The following GPLD1 variants were observed in gnomAD, a reference collection of about 807,000 sequenced individuals.
The protein encoded by GPLD1 is phosphatidylinositol-glycan-specific phospholipase D.
A neutral mutation model predicts 112.6 loss-of-function variants in GPLD1; 84 were observed. The ratio of observed to expected loss-of-function variants is 0.75; its 90% CI spans 0.63 to 0.89. The LOEUF (loss-of-function observed/expected upper bound fraction) is 0.89, where lower values mean the gene tolerates loss of function less well. Among genes scored for constraint, GPLD1 ranks in the 40% least tolerant of loss-of-function variants. The pLI, the probability that GPLD1 is intolerant of heterozygous loss-of-function variation, is 0.00. For missense variants in GPLD1, 1,044 were observed against 1,051.5 expected, an observed-to-expected ratio of 0.99 and a Z score of 0.10; for synonymous variants, 386 against 403.8, an observed-to-expected ratio of 0.96 and a Z score of 0.53.
At chr6:24,452,861 T>C (rs913658019) in intron 14 of GPLD1, among the ~76,000 whole-genome samples, 1 of 151,918 alleles carries the variant, frequency 6.6e-6, no homozygotes, top group African/African-American at 2.4e-5. Context: ...GTAAGTGCCT[T>C]GCCTGGAACA....
chr6:24,475,181 C>T lies in GPLD1; in HGVS notation c.381G>A (p.Ala127=), dbSNP rs760701065. The T allele has an allele frequency of 3.9e-5, 63 of 1,613,080 alleles. No homozygotes were observed. The Middle Eastern group carries it at 8.2e-4, about 21-fold the overall frequency. ...AFLFGITSHM[A]ADVSWHSLGL... is the part of the protein sequence containing the mutation. ...CCAGACTATGCCAGCTGACATCTGC[C>T]GCCATGTGAGAAGTAATTCCAAACA... Residue 127 remains alanine, a synonymous_variant, in exon 5 of 25, where the codon GCG becomes GCA. Transcript: ENST00000230036.
chr6:24,437,394 G>C (rs1179711294), intron 20 of GPLD1, 105 bp from the exon 21 acceptor site: 1 of 1,106,518 alleles, frequency 9.0e-7, no homozygotes, highest in African/African-American at 1.5e-5. Flanking sequence ...GGATCCTACA[G>C]GACAGTCGGT....
intron 14 of GPLD1, among the ~76,000 whole-genome samples, chr6:24,451,025 T>C (rs2127337827): frequency 6.6e-6 from 1 of 152,356 alleles, no homozygotes; most frequent in South Asian, 2.1e-4. Context: ...ATTCAGTTTT[T>C]CAGTTGCAAT....
At position 24,454,151 on chromosome 6, in the gene GPLD1, A is replaced by G. The variant is rs1292820213; in HGVS notation, c.1199T>C (p.Val400Ala). The G allele has an allele frequency of 6.2e-7, 1 of 1,613,832 alleles. No individual in the cohort carries two copies. The highest frequency in any genetic ancestry group is 1.7e-5 in the Admixed American group (1 of 59,972). ...GGGGCGGCTGTAGCCTGGTGCGCCC[A>G]CCACGAGGTCACCGTGCCCATCCTG... ...LNQDGHGDLV[V>A]GAPGYSRPGH... The change falls in exon 14 of 25, where the codon GTG (valine) becomes GCG (alanine). Residue 400 changes from valine to alanine, a missense_variant. Coordinates refer to ENST00000230036, the MANE Select transcript of GPLD1 (RefSeq NM_001503.4).
At position 24,425,978 on chromosome 6, in the gene GPLD1, A is replaced by C. The variant is rs540605846; in HGVS notation, c.*3054T>G. The C allele has an allele frequency of 6.6e-6, 1 of 152,228 alleles. No individual in the cohort carries two copies. Among genetic ancestry groups the C allele is most frequent in the Non-Finnish European group, 1.5e-5 (1 of 68,038 alleles). 9.4% of individuals were successfully genotyped at this position (152,228 alleles called of 1,614,324 possible). A position where few individuals can be genotyped will look rare whatever the true frequency, so the allele number is the denominator to read the frequency against. On this transcript the variant is annotated 3_prime_UTR_variant, in exon 25 of 25. Coordinates refer to ENST00000230036, the MANE Select transcript of GPLD1 (RefSeq NM_001503.4). ...CTACAGAGGTGAGCTAATGGATGGTACATGGAGTAGGGACTGCAGAGACCC... is the reference window on the plus strand; with the variant it reads ...CTACAGAGGTGAGCTAATGGATGGTCCATGGAGTAGGGACTGCAGAGACCC...
chr6:24,425,506 T>C (rs1762203732), downstream of GPLD1: 3 of 152,252 alleles, frequency 2.0e-5, no homozygotes, highest in South Asian at 4.1e-4. Context: ...TTTCAAAATA[T>C]CAACTAGTTC....
At chr6:24,432,361 G>A (rs1345616150) in intron 24 of GPLD1, among the ~76,000 whole-genome samples, 10 of 152,050 alleles carry the variant, frequency 6.6e-5, no homozygotes, top group South Asian at 2.1e-4. Flanking sequence ...ACTTTGGAAG[G>A]CAGAGGCAGG....
chr6:24,464,993 G>GA (rs1306683102), intron 10 of GPLD1, among the ~76,000 whole-genome samples: 1 of 151,566 alleles, frequency 6.6e-6, no homozygotes, highest in Non-Finnish European at 1.5e-5. Flanking sequence ...AGGAGATCGA[G>GA]ACCAGCCTGG....
chr6:24,474,174 T>TACACACAC (rs56324939), intron 5 of GPLD1, among the ~76,000 whole-genome samples: 3,687 of 145,564 alleles, frequency 0.025, 74 homozygotes, highest in African/African-American at 0.053. Flanking sequence ...CACACCCACA[T>TACACACAC]ACACACACAC....
intron 20 of GPLD1, among the ~76,000 whole-genome samples, 174 bp from the exon 21 acceptor site, chr6:24,437,463 C>G (rs1050738968): frequency 6.6e-6 from 1 of 152,208 alleles, no homozygotes; most frequent in African/African-American, 2.4e-5. Context: ...CACCAAGGCA[C>G]AAACACCAGA....
rs745650116 is a variant in GPLD1 at position 24,426,944 on chromosome 6, C to G, written c.*2088G>C. 4.6e-5 allele frequency among the ~76,000 whole-genome samples: 7 copies of G among 152,178 alleles called. No individual in the cohort carries two copies. Among genetic ancestry groups the G allele is most frequent in the Non-Finnish European group, 7.3e-5 (5 of 68,034 alleles). On this transcript the variant is annotated 3_prime_UTR_variant, in exon 25 of 25. Transcript: ENST00000230036. ...CCTGGGAGTGACCCAGAGATGCTCT[C>G]TAGGGATGTACCTCTTGATGTTCTT... is the stretch of plus-strand genomic sequence containing the variant.
chr6:24,466,626 G>A (rs2127354287), intron 10 of GPLD1, 54 bp downstream of exon 10: 1 of 1,444,414 alleles, frequency 6.9e-7, no homozygotes, highest in Non-Finnish European at 9.7e-7. Context: ...TATGTTGGGG[G>A]ATGGGGTAAA....
intron 18 of GPLD1, among the ~76,000 whole-genome samples, chr6:24,446,274 G>C (rs1762906565): frequency 6.6e-6 from 1 of 152,028 alleles, no homozygotes; most frequent in African/African-American, 2.4e-5. Flanking sequence ...AGAGGCAGGA[G>C]GATCACTTGA....
chr6:24,460,445 A>G, intron 11 of GPLD1, 46 bp from the exon 12 acceptor site: 1 of 1,598,572 alleles, frequency 6.3e-7, no homozygotes, highest in South Asian at 1.1e-5. Context: ...TGAGAAAACA[A>G]CCCCCTGTAA....
chr6:24,432,203 C>T (rs1307967209), intron 24 of GPLD1, among the ~76,000 whole-genome samples: 1 of 142,788 alleles, frequency 7.0e-6, no homozygotes, highest in Non-Finnish European at 1.5e-5. Context: ...GCCAAGACCA[C>T]ACCATTGCAC....
At position 24,456,648 on chromosome 6, in the gene GPLD1, A is replaced by T. The variant is rs779768462; in HGVS notation, c.1009-11T>A. 6.3e-7 allele frequency: 1 copy of T among 1,581,510 alleles called. No individual in the cohort carries two copies. The highest frequency in any genetic ancestry group is 8.7e-7 in the Non-Finnish European group (1 of 1,155,162). ...AAAGGACATGGAATCCTGAAATAAA[A>T]GAATCATTATAGACAGTAAAGACAC... On this transcript the variant is annotated splice_polypyrimidine_tract_variant and intron_variant, in intron 12 of 24. Coordinates refer to ENST00000230036, the MANE Select transcript of GPLD1 (RefSeq NM_001503.4).
intron 22 of GPLD1, among the ~76,000 whole-genome samples, chr6:24,433,847 A>G (rs1277758517): frequency 6.6e-6 from 1 of 152,116 alleles, no homozygotes; most frequent in Non-Finnish European, 1.5e-5. Flanking sequence ...CTTTGACCCC[A>G]GAAATTCTAC....
At chr6:24,478,523 C>A (rs557686655) in intron 3 of GPLD1, among the ~76,000 whole-genome samples, 17 of 152,310 alleles carry the variant, frequency 1.1e-4, no homozygotes, top group Admixed American at 2.0e-4. Context: ...CAGACCCACT[C>A]CCCATCCTTC....
chr6:24,454,247 G>A, intron 13 of GPLD1, 46 bp from the exon 14 acceptor site: 1 of 1,375,692 alleles, frequency 7.3e-7, no homozygotes, highest in Non-Finnish European at 9.8e-7. Context: ...TGAGCACTAG[G>A]GTTAAAGCTG....
Sources: gnomAD v4.1 joint callset for allele counts (sites outside exome capture counted in the v4.1 genomes callset) on GRCh38, gnomAD v4.1.1 for gene constraint, MANE v1.5 for transcripts, NCBI Gene and HGNC (gene_info 2026-07-23, HGNC 2026-07-21) for gene names.